The following NAV2 variants were observed in gnomAD, a reference collection of about 807,000 sequenced individuals.
NAV2 encodes the protein neuron navigator 2.
NAV2 carries 54 observed loss-of-function variants against 223.2 expected under a neutral mutation model. The observed-to-expected ratio is 0.24, with a 90% CI of 0.19 to 0.30. The LOEUF is 0.30. Among genes scored for constraint, NAV2 ranks in the 10% least tolerant of loss-of-function variants. The pLI, the probability that NAV2 is intolerant of heterozygous loss-of-function variation, is 1.00. For missense variants in NAV2, 2,806 were observed against 3,147.5 expected, an observed-to-expected ratio of 0.89 and a Z score of 2.60; for synonymous variants, 1,279 against 1,239.3, an observed-to-expected ratio of 1.03 and a Z score of -0.67.
intron 1 of NAV2, among the ~76,000 whole-genome samples, chr11:19,551,142 G>A (rs1359746213): frequency 1.3e-5 from 2 of 152,372 alleles, no homozygotes; most frequent in East Asian, 3.9e-4. Flanking sequence ...TGTCCTGGGG[G>A]AAGCCAAGAA....
chr11:20,081,609 G>A (rs1014734733), intron 25 of NAV2, among the ~76,000 whole-genome samples: 3 of 152,166 alleles, frequency 2.0e-5, no homozygotes, highest in Admixed American at 1.3e-4. Flanking sequence ...TTCTGTTTCT[G>A]TGACTGCTCT....
At chr11:19,478,756 C>T (rs563740129) in intron 1 of NAV2, among the ~76,000 whole-genome samples, 12 of 152,352 alleles carry the variant, frequency 7.9e-5, no homozygotes, top group African/African-American at 2.9e-4. Flanking sequence ...CCACTTTCTC[C>T]TGGCTTCCAT....
rs768150487 is a variant in NAV2, at chr11:20,055,839, T to C, written c.4713T>C (p.Asn1571=). 126 of 1,614,066 alleles carry C rather than the reference T, an allele frequency of 7.8e-5. No individual in the cohort carries two copies. Among genetic ancestry groups the C allele is most frequent in the Non-Finnish European group, 1.0e-4 (122 of 1,180,044 alleles). ...PTMLRTHSLS[N]ADGQYDPYTD... ...TGCTGAGGACTCACAGCCTCTCCAA[T>C]GCTGATGGGCAGTATGATCCATACA... Residue 1571 remains asparagine (N), a synonymous_variant, in exon 19 of 38, where the codon AAT becomes AAC. Coordinates refer to ENST00000349880, the MANE Select transcript of NAV2 (RefSeq NM_145117.5).
chr11:19,849,684 G>C (rs1838055), intron 3 of NAV2, among the ~76,000 whole-genome samples: 14,217 of 152,270 alleles, frequency 0.093, 744 homozygotes, highest in Admixed American at 0.13. Flanking sequence ...TGGGCCCTGG[G>C]CCTATTTTTA....
At chr11:19,677,870 C>T (rs1354934135) in intron 1 of NAV2, among the ~76,000 whole-genome samples, 1 of 152,214 alleles carries the variant, frequency 6.6e-6, no homozygotes, top group Non-Finnish European at 1.5e-5. Flanking sequence ...GACCATATGG[C>T]CTGCAAAGCC....
intron 1 of NAV2, among the ~76,000 whole-genome samples, chr11:19,494,445 C>A (rs1347937591): frequency 1.3e-5 from 2 of 152,214 alleles, no homozygotes; most frequent in Non-Finnish European, 2.9e-5. Context: ...TTAGGAAAGG[C>A]TGATATGCCA....
At chr11:19,526,961 T>C (rs990045098) in intron 1 of NAV2, among the ~76,000 whole-genome samples, 1 of 152,148 alleles carries the variant, frequency 6.6e-6, no homozygotes, top group African/African-American at 2.4e-5. Context: ...GTCCCTGGGG[T>C]TCATGGCTCC....
intron 1 of NAV2, among the ~76,000 whole-genome samples, chr11:19,748,020 G>A (rs965533263): frequency 6.6e-6 from 1 of 152,188 alleles, no homozygotes; most frequent in Non-Finnish European, 1.5e-5. Flanking sequence ...TGGCATTAGT[G>A]GGATATGCTG....
intron 1 of NAV2, among the ~76,000 whole-genome samples, chr11:19,720,900 C>A (rs902266809): frequency 1.3e-5 from 2 of 152,198 alleles, no homozygotes; most frequent in East Asian, 3.8e-4. Flanking sequence ...TCAGTAGCCT[C>A]ACCTATAAAA....
At chr11:20,048,613 G>A (rs1317962938) in intron 14 of NAV2, 115 bp from the exon 15 acceptor site, 11 of 855,296 alleles carry the variant, frequency 1.3e-5, no homozygotes, top group Non-Finnish European at 9.3e-6. Context: ...AGTAGGAATG[G>A]CTGTGCTTCC....
chr11:19,690,000 C>T lies in NAV2; in HGVS notation c.76-142484C>T, dbSNP rs144071463. 1.5e-3 allele frequency among the ~76,000 whole-genome samples: 226 copies of T among 152,308 alleles called. 1 individual carries two copies. The highest frequency in any genetic ancestry group is 5.1e-3 in the African/African-American group (214 of 41,570). ...CTTTTTATTTTTTGAGACAGAGTTT[C>T]GCTCCTGTTACCCAGGCTGGAGTGC... On this transcript the variant is annotated intron_variant, in intron 1 of 37. Transcript: ENST00000360655.
At chr11:20,038,378 A>G (rs990935147) in intron 12 of NAV2, among the ~76,000 whole-genome samples, 9 of 152,176 alleles carry the variant, frequency 5.9e-5, no homozygotes, top group Admixed American at 3.3e-4. Flanking sequence ...TGAAATGAAA[A>G]CTAAAAAAAA....
At chr11:19,895,221 C>T (rs1460269421) in intron 6 of NAV2, among the ~76,000 whole-genome samples, 1 of 148,992 alleles carries the variant, frequency 6.7e-6, no homozygotes, top group Non-Finnish European at 1.5e-5. Flanking sequence ...TGTGCAACAC[C>T]ATGCCCAGCT....
intron 6 of NAV2, among the ~76,000 whole-genome samples, chr11:19,901,323 G>A (rs1365674539): frequency 6.6e-6 from 1 of 152,068 alleles, no homozygotes; most frequent in Non-Finnish European, 1.5e-5. Flanking sequence ...GAGGCAGGAG[G>A]ATTACTTGAG....
chr11:19,926,790 A>C (rs1162775742), intron 6 of NAV2, among the ~76,000 whole-genome samples: 1 of 152,202 alleles, frequency 6.6e-6, no homozygotes, highest in Non-Finnish European at 1.5e-5. Flanking sequence ...GAGAGGATTT[A>C]GGCCAGAAAC....
At chr11:19,945,153 CTCCCTTCCCTTCCCTTCCCT>C (rs755938941) in intron 8 of NAV2, among the ~76,000 whole-genome samples, 2,103 of 94,702 alleles carry the variant, frequency 0.022, 73 homozygotes, top group African/African-American at 0.072. Flanking sequence ...TTCTTTCTGT[CTCCCTTCCCTTCCCTTCCCT>C]TCCCTTCCCT....
intron 1 of NAV2, among the ~76,000 whole-genome samples, chr11:19,494,108 G>C (rs951779990): frequency 6.6e-6 from 1 of 152,220 alleles, no homozygotes; most frequent in Non-Finnish European, 1.5e-5. Flanking sequence ...ACTGACCCAG[G>C]TGCTGTGGTG....
intron 16 of NAV2, among the ~76,000 whole-genome samples, chr11:20,050,149 C>T (rs1591847720): frequency 1.3e-5 from 2 of 152,312 alleles, no homozygotes; most frequent in Non-Finnish European, 2.9e-5. Flanking sequence ...AACCCTGCCA[C>T]TTGATCTGGG....
At chr11:20,038,346 A>G (rs71488728) in intron 12 of NAV2, among the ~76,000 whole-genome samples, 3,269 of 152,290 alleles carry the variant, frequency 0.021, 66 homozygotes, top group Non-Finnish European at 0.033. Context: ...TTTTCCTATA[A>G]AACTACCTGA....
Sources: allele counts gnomAD v4.1 joint callset (sites outside exome capture counted in the v4.1 genomes callset), GRCh38; gene constraint gnomAD v4.1.1; transcripts MANE v1.5; gene names NCBI Gene and HGNC (gene_info 2026-07-23, HGNC 2026-07-21).